AFF3: variants seen among roughly 807,000 people sequenced by gnomAD.
The protein encoded by AFF3 is ALF transcription elongation factor 3.
A neutral mutation model predicts 129.7 loss-of-function variants in AFF3; 32 were observed. The ratio of observed to expected loss-of-function variants is 0.25; its 90% CI spans 0.19 to 0.33. The LOEUF (loss-of-function observed/expected upper bound fraction) is 0.33. AFF3 is among the 10% of genes least tolerant of loss of function. The probability of loss-of-function intolerance (pLI) is 1.00; values close to 1 mark genes in which losing one functional copy is unlikely to be tolerated. For missense variants in AFF3, 1,373 were observed against 1,592.0 expected (o/e 0.86, Z 2.34); for synonymous variants, 644 against 635.4 (o/e 1.01, Z -0.20).
chr2:99,604,422 T>C (rs2105115333), intron 13 of AFF3, among the ~76,000 whole-genome samples: 1 of 152,168 alleles, frequency 6.6e-6, no homozygotes, highest in East Asian at 1.9e-4. Flanking sequence ...AGCTAAATGA[T>C]GAGAACACAT....
rs70940192 is a variant in AFF3, at chr2:99,962,850, AAATAATAATAAT to A, written c.873+43770_873+43781del. 3.2e-3 allele frequency among the ~76,000 whole-genome samples: 448 copies of A among 142,060 alleles called. 2 individuals carry two copies. Among genetic ancestry groups the A allele is most frequent in the South Asian group, 0.012 (54 of 4,396 alleles). 93.2% of individuals were successfully genotyped at this position (142,060 alleles called of 152,430 possible). A position where few individuals can be genotyped will look rare whatever the true frequency, so the allele number is the denominator to read the frequency against. ...GGAAAGTATGGATGAAAGAGTATTC[AAATAATAATAAT>A]AATAATAATAATAATAATAATAATA... On this transcript the variant is annotated intron_variant, in intron 7 of 24. Coordinates refer to ENST00000672756, the MANE Select transcript of AFF3 (RefSeq NM_001386135.1).
intron 24 of AFF3, among the ~76,000 whole-genome samples, chr2:99,552,165 C>T (rs541055468): frequency 7.2e-5 from 11 of 152,146 alleles, no homozygotes; most frequent in Non-Finnish European, 1.0e-4. Context: ...GCGGGTAGAA[C>T]GCTTGAGGTC....
intron 7 of AFF3, among the ~76,000 whole-genome samples, chr2:99,926,779 C>T (rs1275298055): frequency 6.6e-6 from 1 of 152,128 alleles, no homozygotes; most frequent in Non-Finnish European, 1.5e-5. Context: ...ACAATATATG[C>T]TTAACAAGGC....
At chr2:99,952,913 T>G (rs1676298190) in intron 7 of AFF3, among the ~76,000 whole-genome samples, 1 of 152,212 alleles carries the variant, frequency 6.6e-6, no homozygotes, top group African/African-American at 2.4e-5. Flanking sequence ...TGTTTCAGTT[T>G]CCTTACCTGT....
At chr2:100,017,070 T>C (rs1683194267) in intron 4 of AFF3, among the ~76,000 whole-genome samples, 1 of 151,858 alleles carries the variant, frequency 6.6e-6, no homozygotes, top group African/African-American at 2.4e-5. Flanking sequence ...GTGGTAATGG[T>C]GTTGGTGGTG....
intron 7 of AFF3, among the ~76,000 whole-genome samples, chr2:99,987,522 C>A (rs2104558588): frequency 6.6e-6 from 1 of 152,344 alleles, no homozygotes; most frequent in East Asian, 1.9e-4. Flanking sequence ...TTATTCTCAA[C>A]TTTAGCTGAA....
At chr2:99,957,053 A>G (rs1022338977) in intron 7 of AFF3, among the ~76,000 whole-genome samples, 1 of 152,240 alleles carries the variant, frequency 6.6e-6, no homozygotes, top group African/African-American at 2.4e-5. Context: ...TATGAAGATA[A>G]CATACATTCT....
At chr2:100,080,460 A>G (rs1688960431) in intron 4 of AFF3, among the ~76,000 whole-genome samples, 1 of 152,014 alleles carries the variant, frequency 6.6e-6, no homozygotes, top group African/African-American at 2.4e-5. Context: ...CAAACAAACA[A>G]AAACTCTATG....
intron 7 of AFF3, among the ~76,000 whole-genome samples, chr2:99,932,172 T>C (rs993686457): frequency 3.9e-5 from 6 of 152,194 alleles, no homozygotes; most frequent in Non-Finnish European, 7.3e-5. Flanking sequence ...AATACAAATT[T>C]ATAAACTTTC....
At chr2:99,610,147 G>C (rs1200654215) in intron 13 of AFF3, among the ~76,000 whole-genome samples, 1 of 152,148 alleles carries the variant, frequency 6.6e-6, no homozygotes, top group Non-Finnish European at 1.5e-5. Flanking sequence ...CTCACACAAA[G>C]CCTGTTGGTG....
chr2:100,122,388 G>C (rs1325869637), intron 2 of AFF3, among the ~76,000 whole-genome samples: 1 of 152,138 alleles, frequency 6.6e-6, no homozygotes, highest in Admixed American at 6.5e-5. Flanking sequence ...GTAATAGCTA[G>C]GCTGTCACTT....
Position 99,545,911 on chromosome 2 carries a change from G to C in AFF3, c.*5563C>G. 5.0e-6 allele frequency: 1 copy of C among 201,670 alleles called. No homozygotes were observed. The highest frequency in any genetic ancestry group is 1.0e-5 in the Non-Finnish European group (1 of 97,902). 12.5% of individuals were successfully genotyped at this position (201,670 alleles called of 1,614,324 possible). On this transcript the variant is annotated 3_prime_UTR_variant, in exon 25 of 25. Transcript: ENST00000672756. ...AATTTTCCTCATGCCAAGCAAACAA[G>C]TTAACCCCTTTGGTGACATATACAG...
intron 8 of AFF3, among the ~76,000 whole-genome samples, chr2:99,759,663 A>T (rs1259490613): frequency 6.6e-6 from 1 of 152,232 alleles, no homozygotes; most frequent in African/African-American, 2.4e-5. Flanking sequence ...TCAGGTCTGT[A>T]AGAATTTCCA....
At chr2:99,843,330 C>A (rs1689461394) in intron 7 of AFF3, among the ~76,000 whole-genome samples, 2 of 152,204 alleles carry the variant, frequency 1.3e-5, no homozygotes, top group South Asian at 4.1e-4. Context: ...CTGTCAGGGG[C>A]TTCACTCTGC....
chr2:99,566,047 T>C (rs921133371), intron 19 of AFF3, among the ~76,000 whole-genome samples: 1 of 152,228 alleles, frequency 6.6e-6, no homozygotes, highest in Non-Finnish European at 1.5e-5. Context: ...CTTGGATGGT[T>C]CTAGGCCTTG....
chr2:99,801,825 GTC>G, intron 8 of AFF3, among the ~76,000 whole-genome samples: 1 of 152,100 alleles, frequency 6.6e-6, no homozygotes, highest in African/African-American at 2.4e-5. Flanking sequence ...GTTATGTGGG[GTC>G]TCTATTATTT....
intron 13 of AFF3, among the ~76,000 whole-genome samples, chr2:99,613,941 G>A (rs1022321212): frequency 1.3e-5 from 2 of 152,126 alleles, no homozygotes; most frequent in Admixed American, 1.3e-4. Flanking sequence ...CATTTCAGTG[G>A]GATAAACATT....
chr2:99,813,063 GAC>G (rs796224476), intron 8 of AFF3, among the ~76,000 whole-genome samples: 9 of 151,996 alleles, frequency 5.9e-5, no homozygotes, highest in African/African-American at 2.2e-4. Context: ...AGGAAATACC[GAC>G]ACAGTTTTAC....
At chr2:99,664,507 C>G (rs1575634090) in intron 12 of AFF3, among the ~76,000 whole-genome samples, 1 of 152,176 alleles carries the variant, frequency 6.6e-6, no homozygotes, top group African/African-American at 2.4e-5. Context: ...TAGACATTTC[C>G]ATGGAGATCG....
Sources: allele counts gnomAD v4.1 joint callset (sites outside exome capture counted in the v4.1 genomes callset), GRCh38; gene constraint gnomAD v4.1.1; transcripts MANE v1.5; gene names NCBI Gene and HGNC (gene_info 2026-07-23, HGNC 2026-07-21).